Variants in ARHGEF11 observed in about 807,000 individuals in gnomAD.
ARHGEF11 encodes Rho guanine nucleotide exchange factor 11.
Under a neutral mutation model 193.7 loss-of-function variants are expected in ARHGEF11, and 55 were observed. The observed-to-expected ratio is 0.28, with a 90% CI of 0.23 to 0.36. The LOEUF is 0.36. ARHGEF11 is among the 10% of genes least tolerant of loss of function. ARHGEF11 has a pLI of 1.00. For missense variants in ARHGEF11, 1,723 were observed against 2,005.6 expected, an observed-to-expected ratio of 0.86 and a Z score of 2.69; for synonymous variants, 693 against 768.0, an observed-to-expected ratio of 0.90 and a Z score of 1.62.
At chr1:156,988,009 A>G (rs1364868164) in intron 1 of ARHGEF11, among the ~76,000 whole-genome samples, 1 of 152,174 alleles carries the variant, frequency 6.6e-6, no homozygotes, top group African/African-American at 2.4e-5. Flanking sequence ...AAAACCTTTT[A>G]GAACCTCCCC....
chr1:157,021,755 G>T (rs531714209), intron 1 of ARHGEF11, among the ~76,000 whole-genome samples: 1 of 152,216 alleles, frequency 6.6e-6, no homozygotes, highest in East Asian at 1.9e-4. Flanking sequence ...AATCACATAG[G>T]GTTGTTTCAA....
intron 1 of ARHGEF11, among the ~76,000 whole-genome samples, chr1:157,005,675 T>C (rs1472551965): frequency 6.6e-6 from 1 of 152,214 alleles, no homozygotes; most frequent in Non-Finnish European, 1.5e-5. Context: ...AATTTATTCT[T>C]GTACTGCTAC....
chr1:157,026,404 G>A (rs1433078629), intron 1 of ARHGEF11, among the ~76,000 whole-genome samples: 1 of 152,128 alleles, frequency 6.6e-6, no homozygotes, highest in Non-Finnish European at 1.5e-5. Flanking sequence ...GGGCGCCCAA[G>A]CAACACAATC....
chr1:156,952,085 T>G (rs1341010635), intron 21 of ARHGEF11, among the ~76,000 whole-genome samples: 1 of 152,158 alleles, frequency 6.6e-6, no homozygotes, highest in African/African-American at 2.4e-5. Context: ...TACATGTAAT[T>G]TGGCCATGTT....
Position 156,936,824 on chromosome 1 carries a change from G to A in ARHGEF11, c.4622C>T (p.Pro1541Leu), listed in dbSNP as rs983149415. The A allele has an allele frequency of 1.4e-5, 23 of 1,613,702 alleles. No individual in the cohort carries two copies. The East Asian group carries it at 4.9e-4, about 34-fold the overall frequency. Residue 1541 changes from proline (P) to leucine (L), a missense_variant, in exon 40 of 41, where the codon CCT becomes CTT. Physicochemically the swap from Pro to Leu is moderately conservative, Grantham distance 98 (BLOSUM62 -3). Around this residue, in one of 5 missense-constraint regions of ARHGEF11, gnomAD observed 360 missense variants for 344.4 expected, o/e 1.05. Coordinates refer to ENST00000368194, the MANE Select transcript of ARHGEF11 (RefSeq NM_198236.3). ...SRNSHELGPC[P>L]EDGSDAPLED... Reference sequence around the variant, plus strand: ...GACCTGGCTTCACTCACCATCCTCAGGGCAGGGCCCCAGTTCATGGCTGTT... The same window carrying A: ...GACCTGGCTTCACTCACCATCCTCAAGGCAGGGCCCCAGTTCATGGCTGTT...
At chr1:156,957,678 A>C in intron 18 of ARHGEF11, 114 bp downstream of exon 18, 1 of 1,172,590 alleles carries the variant, frequency 8.5e-7, no homozygotes, top group Non-Finnish European at 1.3e-6. Context: ...ACGGTCCTTC[A>C]TGGTTGTACA....
intron 11 of ARHGEF11, among the ~76,000 whole-genome samples, chr1:156,965,479 A>C (rs923635318): frequency 6.6e-6 from 1 of 152,162 alleles, no homozygotes; most frequent in African/African-American, 2.4e-5. Context: ...CTAATGGCCA[A>C]CTTTTTTCCT....
At chr1:156,957,031 C>T (rs1232933538) in intron 18 of ARHGEF11, among the ~76,000 whole-genome samples, 1 of 152,142 alleles carries the variant, frequency 6.6e-6, no homozygotes, top group Non-Finnish European at 1.5e-5. Context: ...AGGTACACTG[C>T]CTTCACCATC....
intron 36 of ARHGEF11, 81 bp from the exon 37 acceptor site, chr1:156,939,991 C>A: frequency 1.3e-6 from 2 of 1,559,736 alleles, no homozygotes; most frequent in Admixed American, 4.0e-5. Context: ...CCCCACTGAC[C>A]CCAAGGTGGT....
At chr1:157,017,372 G>C (rs184655479) in intron 1 of ARHGEF11, among the ~76,000 whole-genome samples, 16 of 152,222 alleles carry the variant, frequency 1.1e-4, no homozygotes, top group African/African-American at 3.6e-4. Flanking sequence ...TGAATCACTA[G>C]TGTCTGATAC....
At position 156,935,303 on chromosome 1, in the gene ARHGEF11, G is replaced by A. The variant is rs1654858799; in HGVS notation, c.*697C>T. 1 of 152,198 alleles carries A rather than the reference G, an allele frequency of 6.6e-6. No homozygotes were observed. The highest frequency in any genetic ancestry group is 2.4e-5 in the African/African-American group (1 of 41,442). The allele number at this position is 152,198 out of a possible 1,614,324, so 9.4% of individuals were successfully genotyped here. ...AGCAAGCTGTGGAGGGCAGGCTCTG[G>A]AGCCAGGTGGGATGGGGAGCCAGAA... is the stretch of plus-strand genomic sequence containing the variant. On this transcript the variant is annotated 3_prime_UTR_variant, in exon 41 of 41. Transcript: ENST00000368194.
intron 38 of ARHGEF11, 91 bp downstream of exon 38, chr1:156,938,321 GGTGTGT>G: frequency 9.0e-7 from 1 of 1,108,788 alleles, no homozygotes; most frequent in Non-Finnish European, 1.3e-6. Flanking sequence ...GGAGCTTGTG[GGTGTGT>G]GTGTGACCAT....
intron 1 of ARHGEF11, among the ~76,000 whole-genome samples, chr1:156,992,988 C>T (rs918513073): frequency 6.6e-6 from 1 of 152,214 alleles, no homozygotes; most frequent in African/African-American, 2.4e-5. Flanking sequence ...TACCCCATCA[C>T]AAATGTGTAA....
At chr1:157,038,029 CA>C (rs145416871) in intron 1 of ARHGEF11, among the ~76,000 whole-genome samples, 2,637 of 45,402 alleles carry the variant, frequency 0.058, 32 homozygotes, top group African/African-American at 0.22. Flanking sequence ...AAGACTGTCT[CA>C]AAAAAAAAAA....
intron 15 of ARHGEF11, 131 bp downstream of exon 15, chr1:156,960,287 G>C (rs567383537): frequency 1.5e-5 from 12 of 817,198 alleles, no homozygotes; most frequent in Admixed American, 2.2e-5. Context: ...TCATCCCATG[G>C]GTCTTTTCCT....
Position 156,971,825 on chromosome 1 carries a change from G to A in ARHGEF11, c.583-9C>T, listed in dbSNP as rs760871377. The A allele has an allele frequency of 1.9e-5, 30 of 1,609,256 alleles. No individual in the cohort carries two copies. Among genetic ancestry groups the A allele is most frequent in the Non-Finnish European group, 2.4e-5 (28 of 1,177,032 alleles). ...TAGACCTCACAGATACGCTAGGGAT[G>A]GGTGAGGAGGAGAAGGGGGAGGGGA... On this transcript the variant is annotated splice_polypyrimidine_tract_variant and intron_variant, in intron 7 of 40. Coordinates refer to ENST00000368194, the MANE Select transcript of ARHGEF11 (RefSeq NM_198236.3).
At chr1:157,001,673 G>C (rs1207486397) in intron 1 of ARHGEF11, among the ~76,000 whole-genome samples, 1 of 152,188 alleles carries the variant, frequency 6.6e-6, no homozygotes, top group Non-Finnish European at 1.5e-5. Context: ...TCTCCACTGG[G>C]GGAGATCCCA....
In ARHGEF11 at chr1:156,939,881, TCCACAGGATC is replaced by T; in HGVS notation, c.3753_3762del (p.Ile1252AlafsTer20). 1 of 1,608,272 alleles carries T rather than the reference TCCACAGGATC, an allele frequency of 6.2e-7. No homozygotes were observed. Among genetic ancestry groups the T allele is most frequent in the Non-Finnish European group, 8.5e-7 (1 of 1,179,852 alleles). The stretch of plus-strand genomic sequence containing the variant: ...TCCATGGTGTGACCTGGCAGCAGGC[TCCACAGGATC>T]AGATGTCGCAGGTTCTCCACTGGAG... On this transcript the variant is annotated frameshift_variant, in exon 37 of 41. Transcript: ENST00000368194. LOFTEE classifies it high-confidence loss of function.
intron 1 of ARHGEF11, among the ~76,000 whole-genome samples, chr1:156,986,736 C>T (rs185789130): frequency 8.2e-4 from 125 of 152,236 alleles, no homozygotes; most frequent in African/African-American, 2.9e-3. Context: ...CTTTGTCCCT[C>T]AAAGTTCCAC....
Sources: gnomAD v4.1 joint callset for allele counts (sites outside exome capture counted in the v4.1 genomes callset) on GRCh38, gnomAD v4.1.1 for gene constraint, gnomAD v4.1.1 regional missense constraint, MANE v1.5 for transcripts, NCBI Gene and HGNC (gene_info 2026-07-23, HGNC 2026-07-21) for gene names.